The following ZFHX3 variants were observed in gnomAD, a reference collection of about 807,000 sequenced individuals.
The protein encoded by ZFHX3 is zinc finger homeobox 3.
ZFHX3 carries 42 observed loss-of-function variants against 279.1 expected under a neutral mutation model. That is an observed-to-expected ratio of 0.15 (90% confidence interval 0.12 to 0.19). ZFHX3 has a LOEUF of 0.19. Ranked by LOEUF, ZFHX3 falls within the 10% of genes least tolerant of loss-of-function variation. The pLI, the probability that ZFHX3 is intolerant of heterozygous loss-of-function variation, is 1.00. For missense variants in ZFHX3, 4,981 were observed against 4,754.0 expected, an observed-to-expected ratio of 1.05 and a Z score of -1.40; for synonymous variants, 2,293 against 1,957.8, an observed-to-expected ratio of 1.17 and a Z score of -4.52.
At chr16:73,647,557 C>G (rs1315678025) in intron 2 of ZFHX3, among the ~76,000 whole-genome samples, 2 of 152,148 alleles carry the variant, frequency 1.3e-5, no homozygotes, top group African/African-American at 4.8e-5. Flanking sequence ...AGTCATGCTT[C>G]CTGTTAAGCC....
At chr16:73,696,277 T>C (rs751527558) in intron 1 of ZFHX3, among the ~76,000 whole-genome samples, 7 of 152,092 alleles carry the variant, frequency 4.6e-5, no homozygotes, top group Non-Finnish European at 1.0e-4. Context: ...GCCTTAAGTA[T>C]AGAGAGGTGA....
intron 2 of ZFHX3, among the ~76,000 whole-genome samples, chr16:73,633,082 A>C (rs993421474): frequency 6.6e-6 from 1 of 152,246 alleles, no homozygotes; most frequent in Non-Finnish European, 1.5e-5. Context: ...CCGTCTCAAA[A>C]AGAAAAAAAA....
At chr16:73,889,834 A>C (rs2030470677) in intron 1 of ZFHX3, among the ~76,000 whole-genome samples, 2 of 152,268 alleles carry the variant, frequency 1.3e-5, no homozygotes, top group Admixed American at 1.3e-4. Flanking sequence ...CCGCCCCCAG[A>C]GCCAGGGCTT....
At chr16:73,748,959 T>C (rs146230588) in intron 1 of ZFHX3, among the ~76,000 whole-genome samples, 2,345 of 152,168 alleles carry the variant, frequency 0.015, 25 homozygotes, top group Middle Eastern at 0.031. Flanking sequence ...GACTAATTTT[T>C]GTACATTTAG....
At chr16:72,905,552 G>C (rs2039147292) in intron 3 of ZFHX3, among the ~76,000 whole-genome samples, 1 of 152,172 alleles carries the variant, frequency 6.6e-6, no homozygotes, top group Non-Finnish European at 1.5e-5. Context: ...CAAGACCACA[G>C]AAGAAAGGAA....
At chr16:73,048,618 A>C (rs1965388546), upstream of ZFHX3, among the ~76,000 whole-genome samples, 1 of 152,220 alleles carries the variant, frequency 6.6e-6, no homozygotes. Flanking sequence ...CACTAAAAGG[A>C]GCCTGAGGCC....
At chr16:73,623,325 T>C (rs1168755406) in intron 2 of ZFHX3, among the ~76,000 whole-genome samples, 5 of 152,110 alleles carry the variant, frequency 3.3e-5, no homozygotes, top group Non-Finnish European at 7.4e-5. Flanking sequence ...CTTGAGCCAC[T>C]GCGCCCGGCC....
At chr16:72,813,527 C>T (rs2036521335) in intron 5 of ZFHX3, among the ~76,000 whole-genome samples, 2 of 152,178 alleles carry the variant, frequency 1.3e-5, no homozygotes, top group African/African-American at 4.8e-5. Flanking sequence ...TCCCAGAGTG[C>T]ACATCTTGTG....
chr16:73,791,357 AC>A (rs890299961), intron 1 of ZFHX3, among the ~76,000 whole-genome samples: 1 of 152,164 alleles, frequency 6.6e-6, no homozygotes, highest in African/African-American at 2.4e-5. Flanking sequence ...GAATTACTCC[AC>A]CATCAATTTC....
intron 2 of ZFHX3, among the ~76,000 whole-genome samples, chr16:73,671,480 CT>C (rs1354000475): frequency 6.6e-6 from 1 of 152,182 alleles, no homozygotes; most frequent in East Asian, 1.9e-4. Flanking sequence ...CAACAGGAGC[CT>C]TTTCTGATTA....
intron 3 of ZFHX3, among the ~76,000 whole-genome samples, chr16:72,930,437 C>A (rs957923728): frequency 4.0e-5 from 6 of 151,130 alleles, no homozygotes; most frequent in African/African-American, 1.2e-4. Context: ...AGAGGACGGG[C>A]GATAAGGAGA....
chr16:73,687,248 T>C (rs1156478606), intron 1 of ZFHX3, among the ~76,000 whole-genome samples: 1 of 149,554 alleles, frequency 6.7e-6, no homozygotes, highest in Non-Finnish European at 1.5e-5. Flanking sequence ...AAAAATTAGC[T>C]GTGAATGGTG....
At chr16:73,365,874 C>T (rs184422591) in intron 3 of ZFHX3, among the ~76,000 whole-genome samples, 10 of 152,304 alleles carry the variant, frequency 6.6e-5, no homozygotes, top group African/African-American at 2.4e-4. Flanking sequence ...GGAACCAGCA[C>T]ATACAAATTC....
chr16:73,820,044 G>A (rs2142347506), intron 1 of ZFHX3, among the ~76,000 whole-genome samples: 1 of 152,282 alleles, frequency 6.6e-6, no homozygotes, highest in East Asian at 1.9e-4. Context: ...GGGTGGCCAT[G>A]TCTGACAAAT....
At chr16:73,300,042 T>C (rs2015015530) in intron 4 of ZFHX3, among the ~76,000 whole-genome samples, 1 of 152,158 alleles carries the variant, frequency 6.6e-6, no homozygotes, top group Non-Finnish European at 1.5e-5. Flanking sequence ...TGTGATTCCT[T>C]TGCTACTGTT....
At chr16:73,647,200 G>A (rs1225590344) in intron 2 of ZFHX3, among the ~76,000 whole-genome samples, 5 of 152,074 alleles carry the variant, frequency 3.3e-5, no homozygotes, top group African/African-American at 7.2e-5. Flanking sequence ...TTTTAGTAGA[G>A]ACGGGGTTTC....
chr16:73,471,280 T>G (rs1483318351), intron 2 of ZFHX3, among the ~76,000 whole-genome samples: 2 of 152,210 alleles, frequency 1.3e-5, no homozygotes, highest in African/African-American at 4.8e-5. Context: ...TCCGAGGTGA[T>G]CGACCATAGT....
intron 2 of ZFHX3, among the ~76,000 whole-genome samples, chr16:73,653,945 G>A (rs1176589304): frequency 6.6e-6 from 1 of 152,188 alleles, no homozygotes; most frequent in Non-Finnish European, 1.5e-5. Context: ...AGCACTTTGA[G>A]AGGCCGAGGC....
At chr16:73,356,870 T>G (rs1228893984) in intron 3 of ZFHX3, among the ~76,000 whole-genome samples, 1 of 147,928 alleles carries the variant, frequency 6.8e-6, no homozygotes, top group Non-Finnish European at 1.5e-5. Context: ...GCCATGGGAG[T>G]ACACTAGGCC....
Sources: allele counts gnomAD v4.1 joint callset (sites outside exome capture counted in the v4.1 genomes callset), GRCh38; gene constraint gnomAD v4.1.1; transcripts MANE v1.5; gene names NCBI Gene and HGNC (gene_info 2026-07-23, HGNC 2026-07-21).